The following ZMIZ1 variants were observed in gnomAD, a reference collection of about 807,000 sequenced individuals.
The protein encoded by ZMIZ1 is zinc finger MIZ-type containing 1.
ZMIZ1 carries 17 observed loss-of-function variants against 113.9 expected under a neutral mutation model. The observed-to-expected ratio is 0.15, with a 90% confidence interval of 0.10 to 0.22. The LOEUF (loss-of-function observed/expected upper bound fraction) is 0.22, where lower values mean the gene tolerates loss of function less well. Among genes scored for constraint, ZMIZ1 ranks in the 10% least tolerant of loss-of-function variants. ZMIZ1 has a pLI of 1.00. For missense variants in ZMIZ1, 1,059 were observed against 1,477.8 expected, an observed-to-expected ratio of 0.72 and a Z score of 4.65; for synonymous variants, 607 against 603.1, an observed-to-expected ratio of 1.01 and a Z score of -0.09.
chr10:79,253,036 C>T (rs1850648562), intron 7 of ZMIZ1, among the ~76,000 whole-genome samples: 1 of 152,136 alleles, frequency 6.6e-6, no homozygotes, highest in African/African-American at 2.4e-5. Context: ...AGACACATCC[C>T]CTCCCCTCTG....
rs995748695 is a variant in ZMIZ1 at position 79,313,110 on chromosome 10, T to C, written c.*361T>C. On this transcript the variant is annotated 3_prime_UTR_variant, in exon 25 of 25. Transcript: ENST00000334512. Reference sequence around the variant, plus strand: ...GTGCCGATTCCAGATGACCTTCCAGTGTCCCCAAGGTTCTTCCATCTTCTA... The same window carrying C: ...GTGCCGATTCCAGATGACCTTCCAGCGTCCCCAAGGTTCTTCCATCTTCTA... 4.0e-6 allele frequency: 1 copy of C among 251,808 alleles called. No individual in the cohort carries two copies. The highest frequency in any genetic ancestry group is 7.8e-6 in the Non-Finnish European group (1 of 128,434). 15.6% of individuals were successfully genotyped at this position (251,808 alleles called of 1,614,324 possible). A position where few individuals can be genotyped will look rare whatever the true frequency, so the allele number is the denominator to read the frequency against.
intron 3 of ZMIZ1, among the ~76,000 whole-genome samples, chr10:79,143,774 AG>A (rs1845368609): frequency 8.1e-6 from 1 of 123,308 alleles, no homozygotes; most frequent in Non-Finnish European, 1.7e-5. Flanking sequence ...CAGGTGTGCA[AG>A]GTGTGATAGG....
At chr10:79,160,174 CT>C (rs1260274672) in intron 3 of ZMIZ1, among the ~76,000 whole-genome samples, 1 of 152,254 alleles carries the variant, frequency 6.6e-6, no homozygotes, top group East Asian at 1.9e-4. Context: ...CAAACGCTGC[CT>C]GTCTCTGGGC....
chr10:79,286,498 G>T (rs1260133126), intron 8 of ZMIZ1, among the ~76,000 whole-genome samples: 8 of 152,380 alleles, frequency 5.3e-5, no homozygotes, highest in Middle Eastern at 6.8e-3. Context: ...AGGCAAGCTA[G>T]TCCTGAGACT....
intron 22 of ZMIZ1, among the ~76,000 whole-genome samples, chr10:79,307,149 C>T (rs1854762416): frequency 6.6e-6 from 1 of 152,102 alleles, no homozygotes. Context: ...AGGAGCCTGG[C>T]CCGCCCCCTT....
chr10:79,168,447 GTA>G (rs1846457239), intron 4 of ZMIZ1, among the ~76,000 whole-genome samples: 1 of 152,112 alleles, frequency 6.6e-6, no homozygotes, highest in Non-Finnish European at 1.5e-5. Context: ...CCACTAGACT[GTA>G]TACTCCTTGA....
chr10:79,279,055 G>A (rs1250575660), intron 8 of ZMIZ1, among the ~76,000 whole-genome samples: 3 of 141,032 alleles, frequency 2.1e-5, no homozygotes, highest in South Asian at 2.3e-4. Context: ...GGCGGCGGCC[G>A]GGCGGGGGCT....
chr10:79,104,458 G>A (rs1195198737), intron 1 of ZMIZ1, among the ~76,000 whole-genome samples: 3 of 152,326 alleles, frequency 2.0e-5, no homozygotes, highest in East Asian at 3.9e-4. Context: ...CTCCTGGCTT[G>A]TTAAAGCCTC....
intron 23 of ZMIZ1, among the ~76,000 whole-genome samples, 185 bp from the exon 24 acceptor site, chr10:79,310,739 G>A (rs972421608): frequency 3.3e-5 from 5 of 152,088 alleles, no homozygotes; most frequent in Non-Finnish European, 5.9e-5. Context: ...CTCCCTGATG[G>A]GCGGTTTTGG....
At chr10:79,269,883 C>A (rs930683171) in intron 7 of ZMIZ1, among the ~76,000 whole-genome samples, 1 of 152,210 alleles carries the variant, frequency 6.6e-6, no homozygotes, top group Non-Finnish European at 1.5e-5. Flanking sequence ...GGTGAGCGTA[C>A]CTGCTCCCCG....
rs1849819428 is a variant in ZMIZ1, at chr10:79,241,315, G to A, written c.280+25041G>A. 7.9e-5 allele frequency among the ~76,000 whole-genome samples: 12 copies of A among 152,272 alleles called. No homozygotes were observed. In the South Asian group the frequency reaches 2.5e-3, roughly 32 times the overall value. Reference sequence around the variant, plus strand: ...GGATCTGCAGTGGGGAGATGGGCGAGTCTTCACTGGACCCCTGCCTGCGGT... The same window carrying A: ...GGATCTGCAGTGGGGAGATGGGCGAATCTTCACTGGACCCCTGCCTGCGGT... On this transcript the variant is annotated intron_variant, in intron 7 of 24. Coordinates refer to ENST00000334512, the MANE Select transcript of ZMIZ1 (RefSeq NM_020338.4).
intron 7 of ZMIZ1, among the ~76,000 whole-genome samples, chr10:79,238,524 A>G (rs1849687636): frequency 6.6e-6 from 1 of 152,234 alleles, no homozygotes; most frequent in Admixed American, 6.5e-5. Flanking sequence ...CTAAACTCTA[A>G]AAAGAAACAC....
intron 1 of ZMIZ1, among the ~76,000 whole-genome samples, chr10:79,098,070 G>A (rs1436764903): frequency 2.0e-5 from 3 of 152,228 alleles, no homozygotes; most frequent in Admixed American, 6.5e-5. Flanking sequence ...CTTGATGGAA[G>A]TCTGGGGCTT....
At chr10:79,297,978 C>G (rs1234872878) in intron 14 of ZMIZ1, among the ~76,000 whole-genome samples, 1 of 152,176 alleles carries the variant, frequency 6.6e-6, no homozygotes, top group Non-Finnish European at 1.5e-5. Context: ...CCGACTCCAC[C>G]TGGGGACCCT....
At chr10:79,256,941 G>C (rs988968729) in intron 7 of ZMIZ1, among the ~76,000 whole-genome samples, 2 of 152,190 alleles carry the variant, frequency 1.3e-5, no homozygotes, top group Admixed American at 1.3e-4. Context: ...GCTTGCTCCA[G>C]GTGACACAGC....
At chr10:79,302,705 T>TTA (rs1220394783) in intron 18 of ZMIZ1, among the ~76,000 whole-genome samples, 2 of 92,422 alleles carry the variant, frequency 2.2e-5, no homozygotes, top group East Asian at 7.1e-4. Context: ...TTTTTTTTTT[T>TTA]GAGAGAGAGA....
intron 8 of ZMIZ1, among the ~76,000 whole-genome samples, chr10:79,286,484 G>A (rs986821588): frequency 7.2e-5 from 11 of 152,264 alleles, no homozygotes; most frequent in Admixed American, 5.2e-4. Context: ...GCAGGTGCGT[G>A]TGGAGGCAAG....
chr10:79,197,434 C>T (rs1847874848), intron 4 of ZMIZ1, among the ~76,000 whole-genome samples: 1 of 152,146 alleles, frequency 6.6e-6, no homozygotes, highest in African/African-American at 2.4e-5. Context: ...CCTTGTCTTC[C>T]ACACCATGGT....
chr10:79,233,001 G>A (rs956116876), intron 7 of ZMIZ1, among the ~76,000 whole-genome samples: 1 of 152,222 alleles, frequency 6.6e-6, no homozygotes, highest in Non-Finnish European at 1.5e-5. Flanking sequence ...CTTGGCTCCT[G>A]GCTTCCAGCC....
Sources: allele counts gnomAD v4.1 joint callset (sites outside exome capture counted in the v4.1 genomes callset), GRCh38; gene constraint gnomAD v4.1.1; transcripts MANE v1.5; gene names NCBI Gene and HGNC (gene_info 2026-07-23, HGNC 2026-07-21).